Variants in GTF2H3 observed in about 807,000 individuals in gnomAD.
The protein encoded by GTF2H3 is general transcription factor IIH subunit 3.
In GTF2H3, 42 loss-of-function variants were observed where a neutral mutation model predicts 51.1. That is an observed-to-expected ratio of 0.82 (90% CI 0.64 to 1.06). The LOEUF is 1.06. Among genes scored for constraint, GTF2H3 ranks in the 50% least tolerant of loss-of-function variants. The probability of loss-of-function intolerance (pLI) is 0.00; values close to 1 mark genes in which losing one functional copy is unlikely to be tolerated. For missense variants in GTF2H3, 326 were observed against 366.1 expected, an observed-to-expected ratio of 0.89 and a Z score of 0.89; for synonymous variants, 123 against 123.8, an observed-to-expected ratio of 0.99 and a Z score of 0.04.
chr12:123,638,736 A>T (rs960274120), intron 1 of GTF2H3, among the ~76,000 whole-genome samples: 2 of 149,388 alleles, frequency 1.3e-5, no homozygotes, highest in South Asian at 4.3e-4. Flanking sequence ...TGCATTGGAG[A>T]TATAGTGGTT....
chr12:123,634,009 C>T (rs1468270237), intron 1 of GTF2H3, 137 bp downstream of exon 1: 1 of 870,840 alleles, frequency 1.1e-6, no homozygotes, highest in Non-Finnish European at 1.9e-6. Context: ...GGCATTCAGT[C>T]ATTCATTCAG....
At chr12:123,648,646 C>T (rs1338472840) in intron 4 of GTF2H3, among the ~76,000 whole-genome samples, 2 of 152,128 alleles carry the variant, frequency 1.3e-5, no homozygotes, top group Non-Finnish European at 2.9e-5. Flanking sequence ...TCACTCACAC[C>T]ACCATTTCCA....
At chr12:123,635,568 G>C (rs555757949) in intron 1 of GTF2H3, among the ~76,000 whole-genome samples, 1 of 114,842 alleles carries the variant, frequency 8.7e-6, no homozygotes, top group Non-Finnish European at 1.7e-5. Flanking sequence ...GCAAGTCTCC[G>C]TCGCAAAAAA....
chr12:123,637,750 A>G (rs1593792123), intron 1 of GTF2H3, among the ~76,000 whole-genome samples: 1 of 151,526 alleles, frequency 6.6e-6, no homozygotes. Context: ...TGATCTGCCC[A>G]CCTCAGCCTC....
chr12:123,648,302 C>T, intron 4 of GTF2H3, 176 bp downstream of exon 4: 1 of 475,204 alleles, frequency 2.1e-6, no homozygotes, highest in East Asian at 3.6e-5. Flanking sequence ...GCATTTGACG[C>T]TGCTGAGCAG....
chr12:123,635,849 T>C (rs916869974), intron 1 of GTF2H3, among the ~76,000 whole-genome samples: 2 of 152,124 alleles, frequency 1.3e-5, no homozygotes, highest in Non-Finnish European at 2.9e-5. Context: ...AAGTGCTAAG[T>C]GTCATTAGAA....
intron 9 of GTF2H3, 108 bp from the exon 10 acceptor site, chr12:123,659,408 A>G (rs1307439710): frequency 1.3e-6 from 1 of 771,832 alleles, no homozygotes; most frequent in African/African-American, 1.7e-5. Flanking sequence ...CTGCAGTGTC[A>G]TATCCTCCTC....
intron 6 of GTF2H3, 63 bp downstream of exon 6, chr12:123,652,624 T>A (rs1232986412): frequency 6.6e-7 from 1 of 1,513,382 alleles, no homozygotes; most frequent in East Asian, 2.3e-5. Flanking sequence ...ATTTCTTTAC[T>A]AGACTGTTTA....
At chr12:123,653,719 G>A (rs1955548776) in intron 7 of GTF2H3, among the ~76,000 whole-genome samples, 1 of 151,978 alleles carries the variant, frequency 6.6e-6, no homozygotes, top group Admixed American at 6.6e-5. Flanking sequence ...TGAAAAAGCT[G>A]GCAGTTCCCA....
chr12:123,651,889 T>G (rs1955525605), intron 5 of GTF2H3, among the ~76,000 whole-genome samples: 1 of 152,024 alleles, frequency 6.6e-6, no homozygotes, highest in Non-Finnish European at 1.5e-5. Context: ...AAACTCTAGC[T>G]TCTCCATTAT....
At chr12:123,639,979 C>G (rs978702731) in intron 2 of GTF2H3, 1 of 455,818 alleles carries the variant, frequency 2.2e-6, no homozygotes, top group Non-Finnish European at 4.4e-6. Context: ...ATGCCTCAGC[C>G]TCCCGAGTAC....
At chr12:123,650,931 C>T in intron 4 of GTF2H3, 63 bp from the exon 5 acceptor site, 1 of 1,010,210 alleles carries the variant, frequency 9.9e-7, no homozygotes, top group Non-Finnish European at 1.6e-6. Context: ...AATAAAGCAC[C>T]CAATGATTTT....
At chr12:123,653,516 G>A (rs1027827796) in intron 7 of GTF2H3, among the ~76,000 whole-genome samples, 2 of 151,918 alleles carry the variant, frequency 1.3e-5, no homozygotes, top group Non-Finnish European at 2.9e-5. Flanking sequence ...AAAAAATGTC[G>A]TGGGCGCCTG....
chr12:123,646,868 A>G (rs1260009978), intron 3 of GTF2H3, among the ~76,000 whole-genome samples: 2 of 149,928 alleles, frequency 1.3e-5, no homozygotes, highest in Non-Finnish European at 3.0e-5. Flanking sequence ...TCACAAGGCC[A>G]TGGCTGGGTG....
chr12:123,662,110 G>T lies in GTF2H3; in HGVS notation c.*1875G>T, dbSNP rs1453055391. 1 of 146,604 alleles carries T rather than the reference G, an allele frequency of 6.8e-6. No individual in the cohort carries two copies. Among genetic ancestry groups the T allele is most frequent in the Non-Finnish European group, 1.5e-5 (1 of 67,484 alleles). The allele number at this position is 146,604 out of a possible 1,614,324, so 9.1% of individuals were successfully genotyped here. A position where few individuals can be genotyped will look rare whatever the true frequency, so the allele number is the denominator to read the frequency against. On this transcript the variant is annotated 3_prime_UTR_variant, in exon 13 of 13. Coordinates refer to ENST00000543341, the MANE Select transcript of GTF2H3 (RefSeq NM_001516.5). Reference sequence around the variant, plus strand: ...AGATTGCGCCATTGCACTCCAGCCTGGGCGACAAGAACAAAACTCTGTCTC... The same window carrying T: ...AGATTGCGCCATTGCACTCCAGCCTTGGCGACAAGAACAAAACTCTGTCTC...
intron 2 of GTF2H3, among the ~76,000 whole-genome samples, chr12:123,643,426 G>A (rs1316325164): frequency 6.6e-6 from 1 of 152,198 alleles, no homozygotes; most frequent in African/African-American, 2.4e-5. Flanking sequence ...ATGCTGCCCT[G>A]TTACTCCAGA....
At chr12:123,645,893 A>G (rs996461640) in intron 3 of GTF2H3, among the ~76,000 whole-genome samples, 3 of 152,192 alleles carry the variant, frequency 2.0e-5, no homozygotes, top group Admixed American at 6.6e-5. Context: ...CCAGCGTGCA[A>G]GTTAGATGGG....
chr12:123,642,761 T>C (rs1955395482), intron 2 of GTF2H3, among the ~76,000 whole-genome samples: 1 of 152,244 alleles, frequency 6.6e-6, no homozygotes, highest in South Asian at 2.1e-4. Flanking sequence ...GTTATAATTG[T>C]TACTTACACA....
Position 123,655,764 on chromosome 12 carries a change from C to A in GTF2H3, c.562-7C>A, listed in dbSNP as rs754866006. ...TTCCTGTAATATTTTCAAAATGTTT[C>A]TTTTAGAATATTTTGATTGATGCCT... On this transcript the variant is annotated splice_region_variant and splice_polypyrimidine_tract_variant and intron_variant, in intron 8 of 12. Transcript: ENST00000543341. 6.5e-7 allele frequency: 1 copy of A among 1,543,236 alleles called. No individual in the cohort carries two copies. Among genetic ancestry groups the A allele is most frequent in the East Asian group, 2.2e-5 (1 of 44,452 alleles).
Sources: gnomAD v4.1 joint callset for allele counts (sites outside exome capture counted in the v4.1 genomes callset) on GRCh38, gnomAD v4.1.1 for gene constraint, MANE v1.5 for transcripts, NCBI Gene and HGNC (gene_info 2026-07-23, HGNC 2026-07-21) for gene names.